PREX2: variants seen among roughly 807,000 people sequenced by gnomAD.
PREX2 encodes the protein phosphatidylinositol-3,4,5-trisphosphate dependent Rac exchange factor 2.
A neutral mutation model predicts 203.2 loss-of-function variants in PREX2; 107 were observed. That is an observed-to-expected ratio of 0.53 (90% CI 0.45 to 0.62). The LOEUF is 0.62. PREX2 is among the 20% of genes least tolerant of loss of function. PREX2 has a pLI of 0.00. For missense variants in PREX2, 1,777 were observed against 1,955.9 expected, an observed-to-expected ratio of 0.91 and a Z score of 1.72; for synonymous variants, 672 against 663.6, an observed-to-expected ratio of 1.01 and a Z score of -0.19.
chr8:68,069,824 AT>A lies in PREX2; in HGVS notation c.1444-7del. ...TCTCACTTGTTTTTGATATATCTCT[AT>A]TTTACGTAGGGTGTAAGATTATATT... On this transcript the variant is annotated splice_polypyrimidine_tract_variant and intron_variant, in intron 12 of 39. Coordinates refer to ENST00000288368, the MANE Select transcript of PREX2 (RefSeq NM_024870.4). 1 of 1,444,616 alleles carries A rather than the reference AT, an allele frequency of 6.9e-7. No homozygotes were observed. The highest frequency in any genetic ancestry group is 9.6e-7 in the Non-Finnish European group (1 of 1,044,440). 89.5% of individuals were successfully genotyped at this position (1,444,616 alleles called of 1,614,324 possible).
Position 68,233,413 on chromosome 8 carries a change from CAT to C in PREX2, c.*2038_*2039del, listed in dbSNP as rs1813206199. ...CTATATTGTGGTATTTATAAGCTAA[CAT>C]ATTTTATATTTTTAAGGATCTACTT... On this transcript the variant is annotated 3_prime_UTR_variant, in exon 40 of 40. Coordinates refer to ENST00000288368, the MANE Select transcript of PREX2 (RefSeq NM_024870.4). 6.6e-6 allele frequency: 1 copy of C among 152,144 alleles called. No individual in the cohort carries two copies. Among genetic ancestry groups the C allele is most frequent in the African/African-American group, 2.4e-5 (1 of 41,428 alleles). The allele number at this position is 152,144 out of a possible 1,614,324, so 9.4% of individuals were successfully genotyped here.
intron 32 of PREX2, among the ~76,000 whole-genome samples, chr8:68,137,550 T>C (rs1319901400): frequency 2.0e-5 from 3 of 152,066 alleles, no homozygotes; most frequent in Non-Finnish European, 4.4e-5. Flanking sequence ...GGGTTACAGG[T>C]GTGAGCCACC....
intron 14 of PREX2, 120 bp from the exon 15 acceptor site, chr8:68,077,276 CA>C: frequency 5.5e-6 from 4 of 732,406 alleles, no homozygotes; most frequent in Non-Finnish European, 1.0e-5. Context: ...TCTTATAAAG[CA>C]ATGCATGCTT....
intron 1 of PREX2, among the ~76,000 whole-genome samples, chr8:67,977,292 G>T (rs773626061): frequency 7.2e-5 from 11 of 152,182 alleles, no homozygotes; most frequent in Non-Finnish European, 1.5e-4. Context: ...GGACTTTTCA[G>T]CTTGCATAAC....
intron 17 of PREX2, among the ~76,000 whole-genome samples, chr8:68,081,535 G>A (rs1264435124): frequency 1.3e-5 from 2 of 152,166 alleles, no homozygotes; most frequent in East Asian, 1.9e-4. Context: ...GCATAGGGTA[G>A]CACTGTATTA....
chr8:68,091,653 T>C (rs893392283), intron 20 of PREX2, among the ~76,000 whole-genome samples: 3 of 152,216 alleles, frequency 2.0e-5, no homozygotes, highest in Admixed American at 2.0e-4. Flanking sequence ...ATATATAGGC[T>C]CATAGGTTAC....
chr8:67,962,611 T>A (rs976867934), intron 1 of PREX2, among the ~76,000 whole-genome samples: 22 of 150,586 alleles, frequency 1.5e-4, no homozygotes, highest in East Asian at 1.4e-3. Flanking sequence ...TTTTATTTTT[T>A]TTTTTATTTT....
At chr8:67,996,922 A>G (rs1313633478) in intron 1 of PREX2, among the ~76,000 whole-genome samples, 1 of 152,186 alleles carries the variant, frequency 6.6e-6, no homozygotes, top group Non-Finnish European at 1.5e-5. Flanking sequence ...TTCAACTGGC[A>G]TCTTATTAGT....
At chr8:67,976,349 G>C (rs1166711582) in intron 1 of PREX2, among the ~76,000 whole-genome samples, 1 of 152,092 alleles carries the variant, frequency 6.6e-6, no homozygotes, top group Non-Finnish European at 1.5e-5. Flanking sequence ...CAGCCATGTG[G>C]AGAGACCCTG....
At chr8:67,952,669 T>A in intron 1 of PREX2, 134 bp downstream of exon 1, 1 of 1,256,788 alleles carries the variant, frequency 8.0e-7, no homozygotes, top group Admixed American at 2.0e-5. Flanking sequence ...GGCGCGGGAA[T>A]CCACGTGTGG....
At chr8:68,079,098 A>G (rs1166715483) in intron 15 of PREX2, among the ~76,000 whole-genome samples, 2 of 152,146 alleles carry the variant, frequency 1.3e-5, no homozygotes, top group African/African-American at 4.8e-5. Flanking sequence ...GGTGGGAGGT[A>G]TTGCTTGAGC....
intron 39 of PREX2, among the ~76,000 whole-genome samples, chr8:68,229,538 A>G (rs1486073602): frequency 6.6e-6 from 1 of 152,246 alleles, no homozygotes; most frequent in Non-Finnish European, 1.5e-5. Flanking sequence ...GAAGCCTCAC[A>G]GAAGCTGAAT....
intron 11 of PREX2, among the ~76,000 whole-genome samples, chr8:68,064,697 G>C (rs1808964849): frequency 6.6e-6 from 1 of 152,092 alleles, no homozygotes. Flanking sequence ...TTCTTAAAAT[G>C]TGTCACCTTC....
chr8:68,099,763 A>T lies in PREX2; in HGVS notation c.2635A>T (p.Thr879Ser). 6.2e-7 allele frequency: 1 copy of T among 1,613,668 alleles called. No individual in the cohort carries two copies. The change falls in exon 23 of 40, where the codon ACT (threonine) becomes TCT (serine). Residue 879 changes from threonine (T) to serine (S), a missense_variant. Coordinates refer to ENST00000288368, the MANE Select transcript of PREX2 (RefSeq NM_024870.4). ...SLNSLNEVIP[T>S]DLQSKFSALC... ...AAATTCTCTAAATGAAGTGATTCCT[A>T]CTGACCTTCAGAGTAAATTCAGTGC...
At chr8:68,206,266 A>G (rs1456391067) in intron 37 of PREX2, among the ~76,000 whole-genome samples, 2 of 152,218 alleles carry the variant, frequency 1.3e-5, no homozygotes, top group Non-Finnish European at 2.9e-5. Flanking sequence ...TTGAGGATTA[A>G]AAGAGCAGCG....
intron 1 of PREX2, among the ~76,000 whole-genome samples, chr8:67,968,899 AC>A (rs940923814): frequency 1.3e-5 from 2 of 152,328 alleles, no homozygotes; most frequent in African/African-American, 4.8e-5. Flanking sequence ...TAAAGGCAAG[AC>A]TTGCCTAAGG....
intron 35 of PREX2, among the ~76,000 whole-genome samples, chr8:68,176,488 C>T (rs148139457): frequency 6.6e-6 from 1 of 152,100 alleles, no homozygotes; most frequent in African/African-American, 2.4e-5. Flanking sequence ...GATTCCAATC[C>T]CCACCCTTCC....
At chr8:68,143,465 G>A (rs573308764) in intron 33 of PREX2, among the ~76,000 whole-genome samples, 1 of 152,182 alleles carries the variant, frequency 6.6e-6, no homozygotes, top group Non-Finnish European at 1.5e-5. Context: ...ACAGCCTGCA[G>A]AACCATGAAC....
At chr8:67,996,727 T>A (rs991443080) in intron 1 of PREX2, among the ~76,000 whole-genome samples, 1 of 152,202 alleles carries the variant, frequency 6.6e-6, no homozygotes, top group Admixed American at 6.5e-5. Context: ...AAGATCATGA[T>A]ATAATTTTCT....
Sources: gnomAD v4.1 joint callset for allele counts (sites outside exome capture counted in the v4.1 genomes callset) on GRCh38, gnomAD v4.1.1 for gene constraint, MANE v1.5 for transcripts, NCBI Gene and HGNC (gene_info 2026-07-23, HGNC 2026-07-21) for gene names.